Variants in DYSF observed in about 807,000 individuals in gnomAD.
DYSF encodes the protein dystrophy-associated fer-1-like 1.
Under a neutral mutation model 274.9 loss-of-function variants are expected in DYSF, and 212 were observed. The ratio of observed to expected loss-of-function variants is 0.77; its 90% CI spans 0.69 to 0.86. DYSF has a LOEUF of 0.86. Among genes scored for constraint, DYSF ranks in the 40% least tolerant of loss-of-function variants. The pLI is 0.00. For synonymous variants in DYSF, 1,091 were observed against 1,078.7 expected (o/e 1.01, Z -0.22); for missense variants, 2,666 against 2,783.2 (o/e 0.96, Z 0.95).
intron 17 of DYSF, among the ~76,000 whole-genome samples, chr2:71,543,414 C>A (rs1374421253): frequency 7.1e-6 from 1 of 141,588 alleles, no homozygotes; most frequent in Non-Finnish European, 1.5e-5. Flanking sequence ...ACATCCCAGA[C>A]GATGGGCGGC....
Position 71,664,286 on chromosome 2 carries a change from C to T in DYSF, c.5022C>T (p.Cys1674=), listed in dbSNP as rs149989207. 34 of 1,614,030 alleles carry T rather than the reference C, an allele frequency of 2.1e-5. No homozygotes were observed. In the African/African-American group the frequency reaches 4.4e-4, roughly 21 times the overall value. ...PVFGKMFELT[C]TLPLEKDLKI... ...CCTGCAGGATGTTCGAGCTGACCTG[C>T]ACTCTGCCTCTGGAGAAGGACCTAA... Residue 1674 remains cysteine (C), a synonymous_variant, in exon 46 of 56, where the codon TGC becomes TGT. Coordinates refer to ENST00000410020, the MANE Select transcript of DYSF (RefSeq NM_001130987.2).
At chr2:71,585,964 G>A (rs1274551054) in intron 30 of DYSF, among the ~76,000 whole-genome samples, 1 of 152,156 alleles carries the variant, frequency 6.6e-6, no homozygotes, top group Non-Finnish European at 1.5e-5. Context: ...GCAAGGGCCT[G>A]GGGGCAAGAA....
At chr2:71,481,031 A>C in intron 2 of DYSF, 93 bp downstream of exon 2, 5 of 1,280,468 alleles carry the variant, frequency 3.9e-6, no homozygotes, top group Non-Finnish European at 5.7e-6. Context: ...GTGCCTTCTC[A>C]GCAGTGTCCT....
At chr2:71,548,893 C>T (rs1410643018) in intron 17 of DYSF, among the ~76,000 whole-genome samples, 3 of 152,210 alleles carry the variant, frequency 2.0e-5, no homozygotes, top group Non-Finnish European at 2.9e-5. Flanking sequence ...GACCTGCCTG[C>T]GGGCTTGGAG....
At position 71,526,341 on chromosome 2, in the gene DYSF, CG is replaced by C; in HGVS notation, c.1272del (p.Gln425ArgfsTer6). On this transcript the variant is annotated frameshift_variant, in exon 13 of 56. Transcript: ENST00000410020. LOFTEE classifies it high-confidence loss of function. ...AAGGTCTTCCGGGCCGAGGACTTGC[CG>C]CAGAGTGCGTGGGGCGCGCCCTTGG... ...CLKVFRAEDL[P>X]QMDDAVMDNV... 1 of 1,592,208 alleles carries C rather than the reference CG, an allele frequency of 6.3e-7. No individual in the cohort carries two copies. The highest frequency in any genetic ancestry group is 8.6e-7 in the Non-Finnish European group (1 of 1,166,620).
At chr2:71,543,828 G>C (rs1243658374) in intron 17 of DYSF, among the ~76,000 whole-genome samples, 1 of 152,018 alleles carries the variant, frequency 6.6e-6, no homozygotes, top group Non-Finnish European at 1.5e-5. Context: ...TCCAGCTTCG[G>C]CTCGGCATCA....
intron 40 of DYSF, among the ~76,000 whole-genome samples, chr2:71,618,781 G>T (rs77367656): frequency 0.4 from 60,893 of 151,206 alleles, 13,282 homozygotes; most frequent in East Asian, 0.48. Flanking sequence ...TGTGTTTTTT[G>T]TGTGTGTGGT....
chr2:71,527,043 A>G (rs763380413), intron 13 of DYSF, among the ~76,000 whole-genome samples: 3 of 152,234 alleles, frequency 2.0e-5, no homozygotes, highest in Non-Finnish European at 2.9e-5. Flanking sequence ...GTTATACCGA[A>G]TATTCTAGAG....
intron 36 of DYSF, among the ~76,000 whole-genome samples, chr2:71,610,441 A>G (rs1019981229): frequency 5.3e-5 from 8 of 152,190 alleles, no homozygotes; most frequent in Admixed American, 2.0e-4. Context: ...TGTGTTCCTA[A>G]CTGCTGTTAT....
At chr2:71,683,905 A>C (rs1301099530) in intron 55 of DYSF, among the ~76,000 whole-genome samples, 1 of 125,124 alleles carries the variant, frequency 8.0e-6, no homozygotes, top group Admixed American at 8.6e-5. Context: ...GAGAGTTATA[A>C]CCACACAGCT....
intron 55 of DYSF, among the ~76,000 whole-genome samples, chr2:71,685,956 C>A (rs903859752): frequency 2.6e-5 from 4 of 152,164 alleles, no homozygotes; most frequent in African/African-American, 9.7e-5. Flanking sequence ...TCCACGACAG[C>A]CCATCCCCAA....
At chr2:71,624,512 A>T (rs2094170458) in intron 41 of DYSF, among the ~76,000 whole-genome samples, 1 of 152,204 alleles carries the variant, frequency 6.6e-6, no homozygotes, top group Admixed American at 6.5e-5. Flanking sequence ...GCTCTGTGGC[A>T]TGATAATTAT....
intron 12 of DYSF, among the ~76,000 whole-genome samples, chr2:71,524,030 T>A (rs936667551): frequency 3.9e-5 from 6 of 152,330 alleles, no homozygotes; most frequent in Non-Finnish European, 8.8e-5. Flanking sequence ...GGGCCCCGTC[T>A]GTGGCCACAC....
intron 36 of DYSF, among the ~76,000 whole-genome samples, chr2:71,607,836 A>G (rs927931470): frequency 7.2e-5 from 11 of 152,152 alleles, no homozygotes; most frequent in African/African-American, 2.7e-4. Flanking sequence ...GTTTTGGACA[A>G]GTTCAGTGTG....
intron 17 of DYSF, among the ~76,000 whole-genome samples, chr2:71,544,288 A>G (rs906505459): frequency 6.6e-6 from 1 of 151,932 alleles, no homozygotes; most frequent in African/African-American, 2.4e-5. Context: ...CTGTCCATCC[A>G]TCTCCTCAGA....
At chr2:71,637,897 G>A (rs990236400) in intron 41 of DYSF, among the ~76,000 whole-genome samples, 1 of 152,164 alleles carries the variant, frequency 6.6e-6, no homozygotes, top group Non-Finnish European at 1.5e-5. Flanking sequence ...GATGCAGGAC[G>A]AAAATGGGGG....
Position 71,535,103 on chromosome 2 carries a change from C to T in DYSF, c.1449+14C>T, listed in dbSNP as rs781594651. On this transcript the variant is annotated intron_variant, in intron 15 of 55. Transcript: ENST00000410020. ...CTGCCTGCCATGGTGAGCCTCCTGC[C>T]CCCAGCAAACCCAAGGAGGCCCCTG... is the stretch of plus-strand genomic sequence containing the variant. 5.0e-6 allele frequency: 8 copies of T among 1,613,932 alleles called. No individual in the cohort carries two copies. The highest frequency in any genetic ancestry group is 6.8e-6 in the Non-Finnish European group (8 of 1,179,832).
intron 3 of DYSF, among the ~76,000 whole-genome samples, chr2:71,490,012 T>C (rs1012088897): frequency 1.1e-4 from 16 of 152,138 alleles, no homozygotes; most frequent in Non-Finnish European, 1.5e-4. Flanking sequence ...AGGTGCAATA[T>C]ATGGGGGCTG....
intron 1 of DYSF, among the ~76,000 whole-genome samples, chr2:71,473,729 G>T (rs1162431636): frequency 6.6e-6 from 1 of 152,034 alleles, no homozygotes; most frequent in African/African-American, 2.4e-5. Flanking sequence ...GTGGTAAAAT[G>T]CACATAACAT....
Sources: allele counts gnomAD v4.1 joint callset (sites outside exome capture counted in the v4.1 genomes callset), GRCh38; gene constraint gnomAD v4.1.1; transcripts MANE v1.5; gene names NCBI Gene and HGNC (gene_info 2026-07-23, HGNC 2026-07-21).